TRHDE: variants seen among roughly 807,000 people sequenced by gnomAD.
The protein encoded by TRHDE is thyrotropin-releasing hormone-degrading ectoenzyme.
TRHDE carries 72 observed loss-of-function variants against 125.7 expected under a neutral mutation model. The ratio of observed to expected loss-of-function variants is 0.57; its 90% CI spans 0.47 to 0.70. The LOEUF is 0.70. Among genes scored for constraint, TRHDE ranks in the 30% least tolerant of loss-of-function variants. The pLI is 0.00. For missense variants in TRHDE, 1,110 were observed against 1,327.1 expected (o/e 0.84, Z 2.54); for synonymous variants, 509 against 509.1 (o/e 1.00, Z 0.00).
At chr12:72,319,248 G>A (rs1383889039) in intron 2 of TRHDE, among the ~76,000 whole-genome samples, 1 of 152,144 alleles carries the variant, frequency 6.6e-6, no homozygotes, top group Non-Finnish European at 1.5e-5. Context: ...AGAGGGGCCA[G>A]CTGTTTAGGT....
At chr12:72,469,948 A>G (rs1296536439) in intron 4 of TRHDE, 36 bp downstream of exon 4, 7 of 1,592,360 alleles carry the variant, frequency 4.4e-6, no homozygotes, top group African/African-American at 1.4e-5. Context: ...GTATAATGTG[A>G]AAGCTATTGA....
At position 72,562,917 on chromosome 12, in the gene TRHDE, T is replaced by C. The variant is rs1384356010; in HGVS notation, c.1919T>C (p.Met640Thr). 6.2e-7 allele frequency: 1 copy of C among 1,610,594 alleles called. No homozygotes were observed. The highest frequency in any genetic ancestry group is 1.7e-5 in the Admixed American group (1 of 58,972). Residue 640 changes from methionine (M) to threonine (T), a missense_variant, in exon 9 of 19, where the codon ATG becomes ACG. Met to Thr is a moderately conservative substitution (Grantham distance 81, BLOSUM62 -1). Transcript: ENST00000261180. ...GTAATGGATCAGTGGACACTCCAGA[T>C]GGGTTATCCTGTTATCACCATCTTG... is the stretch of plus-strand genomic sequence containing the variant. ...QEVMDQWTLQ[M>T]GYPVITILGN... is the part of the protein sequence containing the mutation.
At chr12:72,459,553 G>A (rs1876025330) in intron 3 of TRHDE, among the ~76,000 whole-genome samples, 1 of 152,146 alleles carries the variant, frequency 6.6e-6, no homozygotes, top group Admixed American at 6.5e-5. Context: ...GCTGGCAGAA[G>A]TCATGAAACT....
intron 5 of TRHDE, among the ~76,000 whole-genome samples, chr12:72,499,074 G>A (rs1021867327): frequency 6.6e-6 from 1 of 151,814 alleles, no homozygotes; most frequent in African/African-American, 2.4e-5. Flanking sequence ...TAGAAATCAT[G>A]GTATGAATAA....
chr12:72,393,646 C>T (rs945123211), intron 3 of TRHDE, among the ~76,000 whole-genome samples: 2 of 152,086 alleles, frequency 1.3e-5, no homozygotes, highest in Admixed American at 6.6e-5. Flanking sequence ...ATGAAGAAAA[C>T]TACAAATAAA....
At chr12:72,402,637 T>G (rs1209998456) in intron 3 of TRHDE, among the ~76,000 whole-genome samples, 2 of 152,226 alleles carry the variant, frequency 1.3e-5, no homozygotes, top group African/African-American at 4.8e-5. Flanking sequence ...GCAAAGACTA[T>G]TTCCAAGTAA....
intron 6 of TRHDE, among the ~76,000 whole-genome samples, chr12:72,527,781 A>T (rs564973497): frequency 5.3e-5 from 8 of 152,152 alleles, no homozygotes; most frequent in Non-Finnish European, 7.4e-5. Context: ...ATCAACATAC[A>T]CAATAAAATA....
chr12:72,171,583 C>T (rs1205962876), intron 2 of TRHDE, among the ~76,000 whole-genome samples: 2 of 152,116 alleles, frequency 1.3e-5, no homozygotes, highest in African/African-American at 4.8e-5. Context: ...TGGTCCATTT[C>T]TGAGGGTGCG....
intron 2 of TRHDE, among the ~76,000 whole-genome samples, chr12:72,240,335 G>A (rs997484599): frequency 6.9e-6 from 1 of 144,152 alleles, no homozygotes; most frequent in Non-Finnish European, 1.5e-5. Context: ...ATATTTGTGT[G>A]TATATATATA....
At chr12:72,561,499 T>A (rs1221694929) in intron 7 of TRHDE, among the ~76,000 whole-genome samples, 1 of 152,098 alleles carries the variant, frequency 6.6e-6, no homozygotes, top group African/African-American at 2.4e-5. Context: ...GAGAACAAAG[T>A]GTGAATCGGA....
chr12:72,354,278 T>C (rs1870714776), intron 2 of TRHDE, among the ~76,000 whole-genome samples: 1 of 151,536 alleles, frequency 6.6e-6, no homozygotes, highest in Non-Finnish European at 1.5e-5. Flanking sequence ...AAAAAAGATA[T>C]GTTTGATGAA....
chr12:72,482,625 A>G (rs903865924), intron 5 of TRHDE, among the ~76,000 whole-genome samples: 3 of 151,936 alleles, frequency 2.0e-5, no homozygotes, highest in African/African-American at 4.8e-5. Context: ...TAGGTTACTT[A>G]AATAGCAGAT....
intron 2 of TRHDE, among the ~76,000 whole-genome samples, chr12:72,259,043 G>GA (rs1327436856): frequency 6.6e-6 from 1 of 152,014 alleles, no homozygotes. Flanking sequence ...ACATTTTGTA[G>GA]AAAGATACTT....
At chr12:72,165,397 C>T (rs1025080395) in intron 2 of TRHDE, among the ~76,000 whole-genome samples, 8 of 152,072 alleles carry the variant, frequency 5.3e-5, no homozygotes, top group Non-Finnish European at 8.8e-5. Context: ...GATCTTTCAG[C>T]AATTATTGAT....
intron 2 of TRHDE, among the ~76,000 whole-genome samples, chr12:72,198,542 G>T (rs1877490144): frequency 6.6e-6 from 1 of 152,002 alleles, no homozygotes; most frequent in Admixed American, 6.6e-5. Context: ...TTTAACTCAT[G>T]GTTCAATGGA....
chr12:72,288,519 T>C (rs773183490), intron 2 of TRHDE, among the ~76,000 whole-genome samples: 3 of 152,188 alleles, frequency 2.0e-5, no homozygotes, highest in Non-Finnish European at 4.4e-5. Flanking sequence ...CTGATGTTCA[T>C]TGATGTCTTC....
At chr12:72,406,850 T>TA (rs890435223) in intron 3 of TRHDE, among the ~76,000 whole-genome samples, 20 of 152,204 alleles carry the variant, frequency 1.3e-4, no homozygotes, top group African/African-American at 4.8e-4. Context: ...TGTTAAAATT[T>TA]AAAAAACCTC....
chr12:72,283,395 A>G (rs1879766203), intron 1 of TRHDE, among the ~76,000 whole-genome samples: 1 of 152,114 alleles, frequency 6.6e-6, no homozygotes. Context: ...ACTTCTTTTG[A>G]TTTTCTAAAT....
intron 2 of TRHDE, among the ~76,000 whole-genome samples, chr12:72,356,698 A>T (rs1870839332): frequency 6.6e-6 from 1 of 151,446 alleles, no homozygotes; most frequent in African/African-American, 2.4e-5. Flanking sequence ...TAGATTAAAA[A>T]TTTGTTAAAG....
Sources: allele counts gnomAD v4.1 joint callset (sites outside exome capture counted in the v4.1 genomes callset), GRCh38; gene constraint gnomAD v4.1.1; transcripts MANE v1.5; gene names NCBI Gene and HGNC (gene_info 2026-07-23, HGNC 2026-07-21).